C21orf91: variants seen among roughly 807,000 people sequenced by gnomAD.
The protein encoded by C21orf91 is chromosome 21 open reading frame 91.
Under a neutral mutation model 32.9 loss-of-function variants are expected in C21orf91, and 26 were observed. That is an observed-to-expected ratio of 0.79 (90% CI 0.58 to 1.10). The LOEUF is 1.10. Among genes scored for constraint, C21orf91 ranks in the 50% least tolerant of loss-of-function variants. C21orf91 has a pLI of 0.00. For missense variants in C21orf91, 310 were observed against 341.3 expected (o/e 0.91, Z 0.72); for synonymous variants, 126 against 120.4 (o/e 1.05, Z -0.31).
chr21:17,818,349 G>T, intron 1 of C21orf91, 24 bp from the exon 2 acceptor site: 1 of 1,581,188 alleles, frequency 6.3e-7, no homozygotes, highest in Non-Finnish European at 8.6e-7. Flanking sequence ...GAAAAGGAAA[G>T]TTACACAATT....
rs1414235678 is a variant in C21orf91 at position 17,793,469 on chromosome 21, T to C, written c.840A>G (p.Pro280=). Residue 280 remains proline, a synonymous_variant, in exon 5 of 5, where the codon CCA becomes CCG. Coordinates refer to ENST00000284881, the MANE Select transcript of C21orf91 (RefSeq NM_001100420.2). ...TTCCTGTTCGCCCTACTTGCAGACA[T>C]GGTAACTTAGAACAGTTCTTCAGAA... ...EQLLKNCSKL[P]CLQVGRTGMK... 6.2e-7 allele frequency: 1 copy of C among 1,613,460 alleles called. No homozygotes were observed. Among genetic ancestry groups the C allele is most frequent in the East Asian group, 2.2e-5 (1 of 44,856 alleles).
chr21:17,818,888 A>T (rs997282047), intron 1 of C21orf91: 2 of 152,310 alleles, frequency 1.3e-5, no homozygotes, highest in Non-Finnish European at 2.9e-5. Flanking sequence ...TGTCCGGGGC[A>T]ACTACACCGA....
At chr21:17,817,989 TA>T (rs202214417) in intron 2 of C21orf91, 2,517 of 315,246 alleles carry the variant, frequency 8.0e-3, no homozygotes, top group Middle Eastern at 0.012. Context: ...CAGGGGTCTT[TA>T]AAAAAAAAAG....
chr21:17,815,012 T>A (rs2062656365), intron 2 of C21orf91, among the ~76,000 whole-genome samples: 1 of 152,228 alleles, frequency 6.6e-6, no homozygotes, highest in Non-Finnish European at 1.5e-5. Context: ...TTCATTATTG[T>A]AAAGTCAGAG....
intron 2 of C21orf91, among the ~76,000 whole-genome samples, chr21:17,797,905 TTG>T (rs1433964768): frequency 6.6e-6 from 1 of 151,958 alleles, no homozygotes; most frequent in Non-Finnish European, 1.5e-5. Context: ...GCTACCTCAA[TTG>T]TTTTTTAAAA....
chr21:17,803,798 C>A (rs1372441705), intron 2 of C21orf91, among the ~76,000 whole-genome samples: 1 of 152,092 alleles, frequency 6.6e-6, no homozygotes, highest in Non-Finnish European at 1.5e-5. Flanking sequence ...GACAACCATT[C>A]CTGATAAAAG....
chr21:17,792,484 T>C lies in C21orf91; in HGVS notation c.*931A>G, dbSNP rs955910473. The C allele has an allele frequency of 6.6e-6, 1 of 152,052 alleles. No individual in the cohort carries two copies. The highest frequency in any genetic ancestry group is 1.5e-5 in the Non-Finnish European group (1 of 67,986). The allele number at this position is 152,052 out of a possible 1,614,324, so 9.4% of individuals were successfully genotyped here. On this transcript the variant is annotated 3_prime_UTR_variant, in exon 5 of 5. Transcript: ENST00000284881. ...CACACAAAATAATCTTACTTTTTTT[T>C]TTCAAAGACAGAACAATTTCACAGC...
At chr21:17,805,707 A>G (rs956165525) in intron 2 of C21orf91, among the ~76,000 whole-genome samples, 7 of 152,218 alleles carry the variant, frequency 4.6e-5, no homozygotes, top group African/African-American at 1.7e-4. Flanking sequence ...TCAAATTTGG[A>G]CTATAAGGTT....
Position 17,792,868 on chromosome 21 carries a change from G to C in C21orf91, c.*547C>G, listed in dbSNP as rs954465833. On this transcript the variant is annotated 3_prime_UTR_variant, in exon 5 of 5. Transcript: ENST00000284881. ...AACCGTTGTGAAAACATTGTATTAA[G>C]AGAATAAAATGCAGTGACCTGAAAT... The C allele has an allele frequency of 1.3e-5, 2 of 152,490 alleles. No individual in the cohort carries two copies. Among genetic ancestry groups the C allele is most frequent in the African/African-American group, 4.8e-5 (2 of 41,416 alleles). 9.4% of individuals were successfully genotyped at this position (152,490 alleles called of 1,614,324 possible).
rs2062491149 is a variant in C21orf91 at position 17,793,254 on chromosome 21, T to TA, written c.*160dup. On this transcript the variant is annotated 3_prime_UTR_variant, in exon 5 of 5. Transcript: ENST00000284881. Reference sequence around the variant, plus strand: ...TGATTAGCCCTAGAAGACTAGAGTATAATGATCTGCTTTATTTGACAAAGA... The same window carrying TA: ...TGATTAGCCCTAGAAGACTAGAGTATAAATGATCTGCTTTATTTGACAAAGA... The TA allele has an allele frequency of 2.0e-6, 1 of 491,552 alleles. No homozygotes were observed. The highest frequency in any genetic ancestry group is 1.9e-5 in the African/African-American group (1 of 51,810). 30.4% of individuals were successfully genotyped at this position (491,552 alleles called of 1,614,324 possible).
At chr21:17,802,470 G>A (rs966815074) in intron 2 of C21orf91, among the ~76,000 whole-genome samples, 4 of 152,172 alleles carry the variant, frequency 2.6e-5, no homozygotes, top group African/African-American at 4.8e-5. Context: ...ACAGTGGCGT[G>A]AGCCACTGTG....
At chr21:17,800,710 A>T (rs1178965075) in intron 2 of C21orf91, among the ~76,000 whole-genome samples, 1 of 152,248 alleles carries the variant, frequency 6.6e-6, no homozygotes. Context: ...AGATTGTACT[A>T]CAACTTGCTT....
At chr21:17,813,744 A>G (rs1056990924) in intron 2 of C21orf91, 7 of 152,248 alleles carry the variant, frequency 4.6e-5, no homozygotes, top group African/African-American at 1.7e-4. Flanking sequence ...AAATGCTCCA[A>G]TGAGCATCTC....
intron 2 of C21orf91, among the ~76,000 whole-genome samples, chr21:17,800,605 A>G (rs1047606040): frequency 6.6e-6 from 1 of 152,252 alleles, no homozygotes; most frequent in Non-Finnish European, 1.5e-5. Context: ...TTTGTTTCCT[A>G]AGCAGCTTTT....
At chr21:17,805,975 G>A (rs2062591247) in intron 2 of C21orf91, among the ~76,000 whole-genome samples, 1 of 48,752 alleles carries the variant, frequency 2.1e-5, no homozygotes, top group African/African-American at 2.6e-4. Flanking sequence ...ACACAACAAA[G>A]TTTCCTATGA....
At chr21:17,814,858 T>C (rs8128917) in intron 2 of C21orf91, among the ~76,000 whole-genome samples, 4,955 of 152,176 alleles carry the variant, frequency 0.033, 272 homozygotes, top group African/African-American at 0.11. Flanking sequence ...ATCCAAACCA[T>C]ATCAAATGGT....
At chr21:17,812,297 A>C (rs1050072917) in intron 2 of C21orf91, among the ~76,000 whole-genome samples, 3 of 152,192 alleles carry the variant, frequency 2.0e-5, no homozygotes, top group Non-Finnish European at 4.4e-5. Context: ...ATGATATTAA[A>C]AGGAAGTTAA....
intron 2 of C21orf91, 91 bp downstream of exon 2, chr21:17,818,101 C>A: frequency 1.2e-6 from 1 of 856,130 alleles, no homozygotes; most frequent in South Asian, 1.9e-5. Flanking sequence ...AATTTCCAAT[C>A]ATTGAAGACA....
rs200420591 is a variant in C21orf91 at position 17,797,007 on chromosome 21, T to C, written c.239A>G (p.Lys80Arg). 140 of 1,613,574 alleles carry C rather than the reference T, an allele frequency of 8.7e-5. No homozygotes were observed. Among genetic ancestry groups the C allele is most frequent in the Non-Finnish European group, 1.2e-4 (137 of 1,179,650 alleles). Residue 80 changes from lysine to arginine, a missense_variant, in exon 3 of 5, where the codon AAA (lysine) becomes AGA (arginine). By Grantham distance (26) the Lys-to-Arg change is conservative (BLOSUM62 2). Coordinates refer to ENST00000284881, the MANE Select transcript of C21orf91 (RefSeq NM_001100420.2). ...NQGCPRSKLS[K>R]STYEEVKTIL... ...GGTTTTAACTTCTTCATAAGTACTT[T>C]TTGAAAGCTTAGATCGAGGACAACC...
Sources: gnomAD v4.1 joint callset for allele counts (sites outside exome capture counted in the v4.1 genomes callset) on GRCh38, gnomAD v4.1.1 for gene constraint, MANE v1.5 for transcripts, NCBI Gene and HGNC (gene_info 2026-07-23, HGNC 2026-07-21) for gene names.